Variants in ZNF208 observed in about 807,000 individuals in gnomAD.
ZNF208 encodes zinc finger protein 208.
ZNF208 carries 10 observed loss-of-function variants against 12.1 expected under a neutral mutation model. The observed-to-expected ratio is 0.83, with a 90% CI of 0.51 to 1.40. The LOEUF is 1.40. Among genes scored for constraint, ZNF208 ranks in the 40% most tolerant of loss-of-function variants. The pLI is 0.00. For synonymous variants in ZNF208, 497 were observed against 488.4 expected, an observed-to-expected ratio of 1.02 and a Z score of -0.23; for missense variants, 1,652 against 1,485.0, an observed-to-expected ratio of 1.11 and a Z score of -1.85.
rs752048024 is a variant in ZNF208, at chr19:21,967,683, G to A, written c.*3508C>T. The A allele has an allele frequency of 6.6e-6, 1 of 152,066 alleles. No individual in the cohort carries two copies. Among genetic ancestry groups the A allele is most frequent in the Non-Finnish European group, 1.5e-5 (1 of 68,012 alleles). The allele number at this position is 152,066 out of a possible 1,614,324, so 9.4% of individuals were successfully genotyped here. On this transcript the variant is annotated 3_prime_UTR_variant, in exon 4 of 4. Coordinates refer to ENST00000397126, the MANE Select transcript of ZNF208 (RefSeq NM_007153.3). ...TGACAGGCATGAGCCACCATGCTTG[G>A]CCCAGATTTATTCTTTTAGTCTGAA...
chr19:22,005,055 G>A (rs1283756419), intron 1 of ZNF208, among the ~76,000 whole-genome samples: 1 of 152,190 alleles, frequency 6.6e-6, no homozygotes, highest in Non-Finnish European at 1.5e-5. Flanking sequence ...ATAAGATTAT[G>A]AACCCTAGGC....
At chr19:21,954,045 C>A (rs1448477204) in intron 4 of ZNF208, among the ~76,000 whole-genome samples, 1 of 152,178 alleles carries the variant, frequency 6.6e-6, no homozygotes, top group Non-Finnish European at 1.5e-5. Flanking sequence ...TCTTTGTTCT[C>A]ATTGGTTTCA....
At position 22,009,791 on chromosome 19, in the gene ZNF208, T is replaced by A. The variant is rs143984437; in HGVS notation, c.3+1001A>T. Among the ~76,000 whole-genome samples the A allele has an allele frequency of 7.7e-3, 1,160 of 149,938 alleles. 9 individuals are homozygous for A. Among genetic ancestry groups the A allele is most frequent in the African/African-American group, 0.027 (1,086 of 40,838 alleles). On this transcript the variant is annotated intron_variant, in intron 1 of 3. Transcript: ENST00000397126. ...CTAATTCAAATGCATTTTTTGTAAATTACTACATTGGGGGAAAAAATTTCA... is the reference window on the plus strand; with the variant it reads ...CTAATTCAAATGCATTTTTTGTAAAATACTACATTGGGGGAAAAAATTTCA...
rs780644335 is a variant in ZNF208 at position 21,968,494 on chromosome 19, T to C, written c.*2697A>G. ...ATCTTTACATGGTGAATCACACTTA[T>C]TGACTTCCATATCATGAAACACCTT... On this transcript the variant is annotated 3_prime_UTR_variant, in exon 4 of 4. Transcript: ENST00000397126. 6.6e-6 allele frequency: 1 copy of C among 152,130 alleles called. No homozygotes were observed. Among genetic ancestry groups the C allele is most frequent in the African/African-American group, 2.4e-5 (1 of 41,440 alleles). The allele number at this position is 152,130 out of a possible 1,614,324, so 9.4% of individuals were successfully genotyped here.
At chr19:21,963,627 A>G, downstream of ZNF208, among the ~76,000 whole-genome samples, 1 of 152,162 alleles carries the variant, frequency 6.6e-6, no homozygotes, top group East Asian at 1.9e-4. Flanking sequence ...TGTCATTTGC[A>G]TAGCTAGACA....
At chr19:21,961,978 T>C (rs911958266), downstream of ZNF208, among the ~76,000 whole-genome samples, 8 of 152,274 alleles carry the variant, frequency 5.3e-5, no homozygotes, top group Admixed American at 4.6e-4. Context: ...CTTAGGAAGA[T>C]AACAGGATTA....
At chr19:21,955,484 T>A (rs1969958969) in intron 4 of ZNF208, among the ~76,000 whole-genome samples, 1 of 152,246 alleles carries the variant, frequency 6.6e-6, no homozygotes, top group South Asian at 2.1e-4. Flanking sequence ...GTAGATTTGG[T>A]CTTTTCACAT....
At chr19:21,965,421 T>A (rs1970146558), downstream of ZNF208, among the ~76,000 whole-genome samples, 1 of 152,054 alleles carries the variant, frequency 6.6e-6, no homozygotes, top group African/African-American at 2.4e-5. Flanking sequence ...ATGCCACACC[T>A]TGATTGAAAA....
At chr19:21,991,124 C>T (rs986421614) in intron 1 of ZNF208, among the ~76,000 whole-genome samples, 2 of 152,118 alleles carry the variant, frequency 1.3e-5, no homozygotes, top group African/African-American at 4.8e-5. Flanking sequence ...TTGCCCTGGT[C>T]AGAACTTCCA....
At position 21,972,842 on chromosome 19, in the gene ZNF208, C is replaced by A; in HGVS notation, c.2192G>T (p.Ser731Ile). The change falls in exon 4 of 4, where the codon AGT becomes ATT. Residue 731 changes from serine (S) to isoleucine (I), a missense_variant. Physicochemically the swap from Ser to Ile is moderately radical, Grantham distance 142. Around this residue, in one of 3 missense-constraint regions of ZNF208, gnomAD observed 1,239 missense variants for 1,086.2 expected, o/e 1.14. Transcript: ENST00000397126. Reference sequence around the variant, plus strand: ...ATGTTTAGTAAGGACTGAGAATGTACTAAAGCTTTTGCCACATTCTTCACA... The same window carrying A: ...ATGTTTAGTAAGGACTGAGAATGTAATAAAGCTTTTGCCACATTCTTCACA... ...YKCEECGKSFSTFSVLTKHKV... is the reference protein window; with the variant it reads ...YKCEECGKSFITFSVLTKHKV... 6.2e-7 allele frequency: 1 copy of A among 1,611,436 alleles called. No homozygotes were observed. The highest frequency in any genetic ancestry group is 8.5e-7 in the Non-Finnish European group (1 of 1,179,340).
In ZNF208 at chr19:22,009,832, A is replaced by T. The variant is rs146638619; in HGVS notation, c.3+960T>A. On this transcript the variant is annotated intron_variant, in intron 1 of 3. Transcript: ENST00000397126. ...AAAAATTTCAGGCTTAACACACTAT[A>T]AACTGCCAATTAACCTCTGATTACA... Among the ~76,000 whole-genome samples, 1,166 of 152,274 alleles carry T rather than the reference A, an allele frequency of 7.7e-3. 9 individuals carry two copies. The highest frequency in any genetic ancestry group is 0.026 in the African/African-American group (1,092 of 41,554).
downstream of ZNF208, among the ~76,000 whole-genome samples, chr19:21,963,245 A>G (rs182072665): frequency 1.3e-5 from 2 of 152,158 alleles, no homozygotes; most frequent in Non-Finnish European, 2.9e-5. Context: ...TAAAATTCTT[A>G]ACCAAGAGGA....
At chr19:22,005,217 A>G (rs1159837343) in intron 1 of ZNF208, among the ~76,000 whole-genome samples, 23 of 152,240 alleles carry the variant, frequency 1.5e-4, no homozygotes, top group Non-Finnish European at 2.6e-4. Context: ...CCTTGTCCAG[A>G]GAGGAGTGTG....
chr19:21,963,659 A>G (rs1455132388), downstream of ZNF208, among the ~76,000 whole-genome samples: 1 of 151,966 alleles, frequency 6.6e-6, no homozygotes, highest in Non-Finnish European at 1.5e-5. Flanking sequence ...TAGTCATACT[A>G]TTTTTTAGCA....
intron 4 of ZNF208, among the ~76,000 whole-genome samples, chr19:21,952,979 C>A (rs1185615831): frequency 6.6e-6 from 1 of 152,152 alleles, no homozygotes; most frequent in Non-Finnish European, 1.5e-5. Flanking sequence ...CTTAAATGAC[C>A]TGATGGAGCT....
intron 1 of ZNF208, among the ~76,000 whole-genome samples, chr19:22,009,144 T>A (rs1971099328): frequency 6.6e-6 from 1 of 152,192 alleles, no homozygotes; most frequent in Non-Finnish European, 1.5e-5. Flanking sequence ...TCTTTTTAAA[T>A]GTGCCATCAA....
rs761213779 is a variant in ZNF208, at chr19:21,971,941, A to C, written c.3093T>G (p.Cys1031Trp). The C allele has an allele frequency of 6.3e-7, 1 of 1,576,524 alleles. No homozygotes were observed. The highest frequency in any genetic ancestry group is 8.6e-7 in the Non-Finnish European group (1 of 1,156,690). Residue 1031 changes from cysteine to tryptophan, a missense_variant, in exon 4 of 4, where the codon TGT (cysteine) becomes TGG (tryptophan). By Grantham distance (215) the Cys-to-Trp change is radical. This residue lies in a region of ZNF208 where 1,239 missense variants were observed against 1,086.2 expected (regional missense o/e 1.14). Transcript: ENST00000397126. ...KIHTGETPYK[C>W]EECDKAFSWP... Reference sequence around the variant, plus strand: ...AGCTGAAGGCTTTGTCACATTCTTCACATTTGTAGGGTGTCTCTCCAGTGT... The same window carrying C: ...AGCTGAAGGCTTTGTCACATTCTTCCCATTTGTAGGGTGTCTCTCCAGTGT...
At chr19:21,982,146 A>C (rs1970552285) in intron 3 of ZNF208, among the ~76,000 whole-genome samples, 1 of 152,062 alleles carries the variant, frequency 6.6e-6, no homozygotes, top group African/African-American at 2.4e-5. Context: ...TCATGAGGTC[A>C]GGAGATCGAG....
intron 4 of ZNF208, among the ~76,000 whole-genome samples, chr19:21,952,387 A>C (rs1969903275): frequency 6.6e-6 from 1 of 152,106 alleles, no homozygotes; most frequent in Admixed American, 6.5e-5. Flanking sequence ...ACTGGGAGAC[A>C]CCTCCCAGTA....
Sources: allele counts gnomAD v4.1 joint callset (sites outside exome capture counted in the v4.1 genomes callset), GRCh38; gene constraint gnomAD v4.1.1; regional missense constraint gnomAD v4.1.1; transcripts MANE v1.5; gene names NCBI Gene and HGNC (gene_info 2026-07-23, HGNC 2026-07-21).